The following KISS1 variants were observed in gnomAD, a reference collection of about 807,000 sequenced individuals.
The protein encoded by KISS1 is metastasis-suppressor KiSS-1.
For synonymous variants in KISS1, 97 were observed against 88.7 expected (o/e 1.09, Z -0.52); for missense variants, 182 against 182.7 (o/e 1.00, Z 0.02).
At chr1:204,190,857 C>A in intron 2 of KISS1, 60 bp from the exon 3 acceptor site, 1 of 1,373,592 alleles carries the variant, frequency 7.3e-7, no homozygotes, top group South Asian at 1.2e-5. Flanking sequence ...TTTGCAACAC[C>A]TCCTGTCATC....
rs1441126780 is a variant in KISS1 at position 204,192,972 on chromosome 1, G to A, written c.-38-58C>T. 2 of 864,438 alleles carry A rather than the reference G, an allele frequency of 2.3e-6. No individual in the cohort carries two copies. Among genetic ancestry groups the A allele is most frequent in the African/African-American group, 1.7e-5 (1 of 59,898 alleles). The allele number at this position is 864,438 out of a possible 1,614,324, so 53.5% of individuals were successfully genotyped here. ...AGGCACAGGATCTGGGCTGGGTGCT[G>A]AGGGCAGAGCCCAGTGCAAAAGGGA... On this transcript the variant is annotated intron_variant, in intron 1 of 2. Transcript: ENST00000367194. The surrounding 1 kb of genome is among the most constrained non-coding windows in gnomAD (Gnocchi z 4.2).
rs567638668 is a variant in KISS1, at chr1:204,191,605, A to T, written c.104-808T>A. 3.3e-5 allele frequency among the ~76,000 whole-genome samples: 5 copies of T among 152,360 alleles called. No individual in the cohort carries two copies. The East Asian group carries it at 7.7e-4, about 24-fold the overall frequency. ...GCCCATTGCGGCAAGAGATTAGTGG[A>T]AATGAGGCCTGGTGTGTGAATGGGT... On this transcript the variant is annotated intron_variant, in intron 2 of 2. Transcript: ENST00000367194.
intron 1 of KISS1, among the ~76,000 whole-genome samples, chr1:204,194,309 T>C (rs1658797797): frequency 6.6e-6 from 1 of 152,244 alleles, no homozygotes; most frequent in Non-Finnish European, 1.5e-5. Flanking sequence ...AGTTTACTTA[T>C]CCTTGCAGAC....
chr1:204,195,725 A>T (rs1268357548), intron 1 of KISS1, among the ~76,000 whole-genome samples: 23 of 141,308 alleles, frequency 1.6e-4, no homozygotes, highest in Admixed American at 1.4e-3. Flanking sequence ...TCACACACAC[A>T]CACACACACA....
chr1:204,194,822 GAA>G (rs776637479), intron 1 of KISS1, among the ~76,000 whole-genome samples: 2 of 152,128 alleles, frequency 1.3e-5, no homozygotes, highest in African/African-American at 4.8e-5. Context: ...AGTGCAAAGG[GAA>G]CTTCAGGCCC....
chr1:204,193,686 T>C (rs1207630548), intron 1 of KISS1, among the ~76,000 whole-genome samples: 1 of 152,084 alleles, frequency 6.6e-6, no homozygotes, highest in Non-Finnish European at 1.5e-5. Flanking sequence ...AGTCTATTCT[T>C]TGTGGACTCT....
Position 204,190,431 on chromosome 1 carries a change from C to CCCCCCCCCCT in KISS1, c.*52_*53insAGGGGGGGGG. 2 of 1,130,808 alleles carry CCCCCCCCCCT rather than the reference C, an allele frequency of 1.8e-6. No homozygotes were observed. The highest frequency in any genetic ancestry group is 1.3e-5 in the South Asian group (1 of 76,144). 70.0% of individuals were successfully genotyped at this position (1,130,808 alleles called of 1,614,324 possible). A position where few individuals can be genotyped will look rare whatever the true frequency, so the allele number is the denominator to read the frequency against. Reference sequence around the variant, plus strand: ...ACGTCCCCGCCCCCCGCCCCCGCCCCGCATGCTCTGACTCCTTTGGGGTCT... The same window carrying CCCCCCCCCCT: ...ACGTCCCCGCCCCCCGCCCCCGCCCCCCCCCCCCCTGCATGCTCTGACTCCTTTGGGGTCT... On this transcript the variant is annotated 3_prime_UTR_variant, in exon 3 of 3. Coordinates refer to ENST00000367194, the MANE Select transcript of KISS1 (RefSeq NM_002256.4).
In KISS1 at chr1:204,195,459, A is replaced by T. The variant is rs1200930945; in HGVS notation, c.-39+917T>A. On this transcript the variant is annotated intron_variant, in intron 1 of 2. Coordinates refer to ENST00000367194, the MANE Select transcript of KISS1 (RefSeq NM_002256.4). Reference sequence around the variant, plus strand: ...ACATACACCCATACACACAACATACACACACACATACACACATCCATACAT... The same window carrying T: ...ACATACACCCATACACACAACATACTCACACACATACACACATCCATACAT... Among the ~76,000 whole-genome samples, 5 of 149,592 alleles carry T rather than the reference A, an allele frequency of 3.3e-5. No individual in the cohort carries two copies. In the South Asian group the frequency reaches 6.6e-4, roughly 20 times the overall value.
At chr1:204,191,364 C>T (rs1341314760) in intron 2 of KISS1, among the ~76,000 whole-genome samples, 3 of 151,566 alleles carry the variant, frequency 2.0e-5, no homozygotes, top group Admixed American at 6.6e-5. Flanking sequence ...CCCCCCAACC[C>T]CGCCCAATAA....
chr1:204,191,706 A>G (rs1254463944), intron 2 of KISS1, among the ~76,000 whole-genome samples: 1 of 152,166 alleles, frequency 6.6e-6, no homozygotes, highest in Non-Finnish European at 1.5e-5. Context: ...GGAAAAGAGG[A>G]GTGTGGACCT....
At position 204,190,794 on chromosome 1, in the gene KISS1, T is replaced by C. The variant is rs35431622; in HGVS notation, c.107A>G (p.Gln36Arg). Residue 36 changes from glutamine (Q) to arginine (R), a missense_variant, in exon 3 of 3, where the codon CAG becomes CGG. By Grantham distance (43) the Gln-to-Arg change is conservative. Coordinates refer to ENST00000367194, the MANE Select transcript of KISS1 (RefSeq NM_002256.4). ...CAGGAGGCCCAGGGATTCTAGCTGC[T>C]GGCCTAGGACAGAGGGCACAGAAAG... The part of the protein sequence containing the change: ...ASVGNSRPTG[Q>R]QLESLGLLAP... 0.059 allele frequency: 94,236 copies of C among 1,609,598 alleles called. 3,861 individuals are homozygous for C. Among genetic ancestry groups the C allele is most frequent in the African/African-American group, 0.21 (15,385 of 74,736 alleles).
chr1:204,192,057 G>C lies in KISS1; in HGVS notation c.103+717C>G, dbSNP rs142027930. Among the ~76,000 whole-genome samples, 584 of 152,310 alleles carry C rather than the reference G, an allele frequency of 3.8e-3. 3 individuals carry two copies. The highest frequency in any genetic ancestry group is 0.013 in the African/African-American group (555 of 41,568). On this transcript the variant is annotated intron_variant, in intron 2 of 2. Transcript: ENST00000367194. The surrounding 1 kb of genome is among the most constrained non-coding windows in gnomAD (Gnocchi z 4.2). ...CATATACGATGACATCAAATGTGTAGAGGGCATGCCCCAAGTTTTATAGCT... is the reference window on the plus strand; with the variant it reads ...CATATACGATGACATCAAATGTGTACAGGGCATGCCCCAAGTTTTATAGCT...
chr1:204,195,205 ATATATACGCACACAC>A, intron 1 of KISS1, among the ~76,000 whole-genome samples: 3 of 149,956 alleles, frequency 2.0e-5, no homozygotes, highest in Admixed American at 6.6e-5. Context: ...CACCACACAC[ATATATACGCACACAC>A]CCATACACAT....
At chr1:204,195,611 CACAT>C (rs1023888116) in intron 1 of KISS1, among the ~76,000 whole-genome samples, 8 of 151,354 alleles carry the variant, frequency 5.3e-5, no homozygotes, top group African/African-American at 1.7e-4. Flanking sequence ...CACATATACA[CACAT>C]ACACCCATAC....
At chr1:204,190,926 C>T in intron 2 of KISS1, 129 bp from the exon 3 acceptor site, 1 of 718,368 alleles carries the variant, frequency 1.4e-6, no homozygotes, top group Non-Finnish European at 2.3e-6. Context: ...CAGTGCCATG[C>T]GAACCAGCAC....
At chr1:204,190,945 T>C in intron 2 of KISS1, 148 bp from the exon 3 acceptor site, 1 of 655,806 alleles carries the variant, frequency 1.5e-6, no homozygotes, top group Admixed American at 2.9e-5. Context: ...ACGATCACCT[T>C]AGCTGGGATG....
Position 204,192,093 on chromosome 1 carries a change from A to C in KISS1, c.103+681T>G, listed in dbSNP as rs929892724. On this transcript the variant is annotated intron_variant, in intron 2 of 2. Coordinates refer to ENST00000367194, the MANE Select transcript of KISS1 (RefSeq NM_002256.4). This position sits in a 1 kb window ranked among gnomAD's most constrained non-coding sequence, Gnocchi z 4.2. ...CCAAGTTTTATAGCTGGGGGAACTC[A>C]GGTCCAGAGAAGCTAAGTCATGGGT... 3.9e-5 allele frequency among the ~76,000 whole-genome samples: 6 copies of C among 152,198 alleles called. No homozygotes were observed. Among genetic ancestry groups the C allele is most frequent in the African/African-American group, 1.4e-4 (6 of 41,466 alleles).
chr1:204,190,568 G>GT lies in KISS1; in HGVS notation c.332dup (p.Asn111LysfsTer56). The GT allele has an allele frequency of 6.2e-7, 1 of 1,606,440 alleles. No individual in the cohort carries two copies. Among genetic ancestry groups the GT allele is most frequent in the Non-Finnish European group, 8.5e-7 (1 of 1,177,104 alleles). ...GCAGGCCGAAGGAGTTCCAGTTGTAGTTCGGCAGGTCCTTCTCCCGCTGCA... is the reference window on the plus strand; with the variant it reads ...GCAGGCCGAAGGAGTTCCAGTTGTAGTTTCGGCAGGTCCTTCTCCCGCTGCA... On this transcript the variant is annotated frameshift_variant, in exon 3 of 3. Transcript: ENST00000367194. LOFTEE classifies it low-confidence loss of function (END_TRUNC).
Position 204,190,430 on chromosome 1 carries a change from C to CCCCCCCCCG in KISS1, c.*53_*54insCGGGGGGGG. On this transcript the variant is annotated 3_prime_UTR_variant, in exon 3 of 3. Transcript: ENST00000367194. ...TACGTCCCCGCCCCCCGCCCCCGCC[C>CCCCCCCCCG]CGCATGCTCTGACTCCTTTGGGGTC... 9.3e-7 allele frequency: 1 copy of CCCCCCCCCG among 1,079,962 alleles called. No individual in the cohort carries two copies. The highest frequency in any genetic ancestry group is 1.4e-6 in the Non-Finnish European group (1 of 735,306). 66.9% of individuals were successfully genotyped at this position (1,079,962 alleles called of 1,614,324 possible). A position where few individuals can be genotyped will look rare whatever the true frequency, so the allele number is the denominator to read the frequency against.
Sources: gnomAD v4.1 joint callset for allele counts (sites outside exome capture counted in the v4.1 genomes callset) on GRCh38, gnomAD v4.1.1 for gene constraint, Gnocchi (gnomAD v3.1) non-coding constraint, MANE v1.5 for transcripts, NCBI Gene and HGNC (gene_info 2026-07-23, HGNC 2026-07-21) for gene names.